The following GGNBP2 variants were observed in gnomAD, a reference collection of about 807,000 sequenced individuals.
GGNBP2 encodes gametogenetin-binding protein 2.
Under a neutral mutation model 85.9 loss-of-function variants are expected in GGNBP2, and 10 were observed. The observed-to-expected ratio is 0.12, with a 90% confidence interval of 0.07 to 0.20. GGNBP2 has a LOEUF of 0.20. GGNBP2 is among the 10% of genes least tolerant of loss of function. The pLI, the probability that GGNBP2 is intolerant of heterozygous loss-of-function variation, is 1.00. For missense variants in GGNBP2, 595 were observed against 857.8 expected (o/e 0.69, Z 3.83); for synonymous variants, 287 against 285.7 (o/e 1.00, Z -0.05).
At chr17:36,581,067 G>A (rs2074644630) in intron 8 of GGNBP2, among the ~76,000 whole-genome samples, 1 of 151,856 alleles carries the variant, frequency 6.6e-6, no homozygotes, top group South Asian at 2.1e-4. Flanking sequence ...GGTGGATCAC[G>A]AGGTCAGGAG....
intron 13 of GGNBP2, among the ~76,000 whole-genome samples, chr17:36,588,553 G>A (rs569537242): frequency 2.0e-4 from 30 of 151,770 alleles, no homozygotes; most frequent in African/African-American, 6.8e-4. Context: ...ACCGCGCCCA[G>A]CTAGTTTTTT....
intron 8 of GGNBP2, among the ~76,000 whole-genome samples, chr17:36,579,693 G>A (rs2074626484): frequency 6.6e-6 from 1 of 152,324 alleles, no homozygotes; most frequent in South Asian, 2.1e-4. Flanking sequence ...AACTGAAGAT[G>A]TTTAATAAGA....
chr17:36,566,288 A>T (rs1265943470), intron 5 of GGNBP2, among the ~76,000 whole-genome samples: 1 of 152,250 alleles, frequency 6.6e-6, no homozygotes, highest in Non-Finnish European at 1.5e-5. Flanking sequence ...GCAACAAAGC[A>T]AAATGTGTGG....
chr17:36,545,446 G>A, intron 1 of GGNBP2, 173 bp from the exon 2 acceptor site: 1 of 393,294 alleles, frequency 2.5e-6, no homozygotes, highest in Non-Finnish European at 4.5e-6. Flanking sequence ...AGCGCGGCGC[G>A]AGGGGGGCGG....
At chr17:36,553,517 T>C (rs567028721) in intron 2 of GGNBP2, among the ~76,000 whole-genome samples, 25 of 152,224 alleles carry the variant, frequency 1.6e-4, no homozygotes, top group Non-Finnish European at 2.9e-4. Context: ...TCTCTGGTGC[T>C]GGTTGGGGAA....
intron 2 of GGNBP2, among the ~76,000 whole-genome samples, chr17:36,548,910 A>G (rs974853511): frequency 1.6e-4 from 24 of 151,766 alleles, no homozygotes; most frequent in Non-Finnish European, 2.9e-4. Flanking sequence ...GCGCCACTGC[A>G]CTCCAGCCTG....
chr17:36,578,330 T>A, intron 7 of GGNBP2, 144 bp downstream of exon 7: 1 of 614,832 alleles, frequency 1.6e-6, no homozygotes, highest in Non-Finnish European at 2.7e-6. Context: ...TGCTTCTCTT[T>A]AAAGTATGCA....
chr17:36,579,085 A>T (rs2074619289), intron 7 of GGNBP2, 160 bp from the exon 8 acceptor site: 1 of 597,588 alleles, frequency 1.7e-6, no homozygotes, highest in Non-Finnish European at 3.0e-6. Flanking sequence ...TTGGTTGTGG[A>T]CATGCATGCT....
chr17:36,579,642 A>G (rs905282955), intron 8 of GGNBP2, among the ~76,000 whole-genome samples: 6 of 152,206 alleles, frequency 3.9e-5, no homozygotes, highest in African/African-American at 1.2e-4. Flanking sequence ...TAATCCTGTT[A>G]ACTTTGCTAG....
chr17:36,554,189 A>C (rs745688862), intron 2 of GGNBP2, among the ~76,000 whole-genome samples: 1 of 151,110 alleles, frequency 6.6e-6, no homozygotes, highest in Non-Finnish European at 1.5e-5. Context: ...GGTTCCTGTA[A>C]TCCCAGCTAC....
At chr17:36,577,305 T>C (rs1435873952) in intron 6 of GGNBP2, 1 of 152,236 alleles carries the variant, frequency 6.6e-6, no homozygotes, top group African/African-American at 2.4e-5. Context: ...TTCTATTCTT[T>C]TGCCACATTT....
At chr17:36,575,648 A>ATATATATATATATTTTTTT (rs374366757) in intron 6 of GGNBP2, among the ~76,000 whole-genome samples, 2 of 54,914 alleles carry the variant, frequency 3.6e-5, no homozygotes, top group African/African-American at 1.1e-4. Flanking sequence ...ATATATATAT[A>ATATATATATATATTTTTTT]TTTTTTTTTT....
At chr17:36,560,666 T>A in intron 4 of GGNBP2, 107 bp from the exon 5 acceptor site, 1 of 644,726 alleles carries the variant, frequency 1.6e-6, no homozygotes, top group Non-Finnish European at 2.6e-6. Context: ...GAAAAGTGGT[T>A]TTTTTGTGTT....
intron 2 of GGNBP2, chr17:36,546,505 CTCATCTT>C (rs2074256882): frequency 6.6e-6 from 1 of 151,894 alleles, no homozygotes; most frequent in Non-Finnish European, 1.5e-5. Flanking sequence ...AAGCTGATTG[CTCATCTT>C]GAGTGTCAAG....
chr17:36,555,288 A>T (rs1394264854), intron 3 of GGNBP2, among the ~76,000 whole-genome samples: 2 of 152,222 alleles, frequency 1.3e-5, no homozygotes, highest in Non-Finnish European at 2.9e-5. Flanking sequence ...TTCCTGAGAA[A>T]TATAGTGCTT....
chr17:36,556,414 A>G (rs1318163143), intron 3 of GGNBP2, among the ~76,000 whole-genome samples: 1 of 152,026 alleles, frequency 6.6e-6, no homozygotes, highest in East Asian at 1.9e-4. Context: ...AAAACAAAAC[A>G]AAAAAAACAG....
chr17:36,551,670 C>G (rs2074309936), intron 2 of GGNBP2, among the ~76,000 whole-genome samples: 1 of 151,720 alleles, frequency 6.6e-6, no homozygotes, highest in Admixed American at 6.6e-5. Context: ...ATGGTGAAAT[C>G]CTGTCTCTAC....
chr17:36,571,774 C>T (rs927919768), intron 6 of GGNBP2, among the ~76,000 whole-genome samples: 7 of 152,008 alleles, frequency 4.6e-5, no homozygotes, highest in Admixed American at 4.6e-4. Flanking sequence ...ACCGAGGAGG[C>T]GGAACTTGCA....
chr17:36,546,026 C>T (rs2074250850), intron 2 of GGNBP2: 3 of 515,986 alleles, frequency 5.8e-6, no homozygotes, highest in Non-Finnish European at 7.0e-6. Context: ...TCCGTACGCA[C>T]TCCCTCTCTC....
Sources: gnomAD v4.1 joint callset for allele counts (sites outside exome capture counted in the v4.1 genomes callset) on GRCh38, gnomAD v4.1.1 for gene constraint, MANE v1.5 for transcripts, NCBI Gene and HGNC (gene_info 2026-07-23, HGNC 2026-07-21) for gene names.